SMOX: variants seen among roughly 807,000 people sequenced by gnomAD.
The protein encoded by SMOX is spermine oxidase.
In SMOX, 22 loss-of-function variants were observed where a neutral mutation model predicts 51.0. The ratio of observed to expected loss-of-function variants is 0.43; its 90% CI spans 0.31 to 0.62. The LOEUF is 0.62. SMOX is among the 20% of genes least tolerant of loss of function. The probability of loss-of-function intolerance (pLI) is 0.10; values close to 1 mark genes in which losing one functional copy is unlikely to be tolerated. For missense variants in SMOX, 566 were observed against 777.7 expected (o/e 0.73, Z 3.24); for synonymous variants, 282 against 307.8 (o/e 0.92, Z 0.88).
At chr20:4,174,919 TCC>T in intron 1 of SMOX, 109 bp from the exon 2 acceptor site, 1 of 1,088,538 alleles carries the variant, frequency 9.2e-7, no homozygotes. Flanking sequence ...GGACTCCAGG[TCC>T]CCCCACCCAC....
At chr20:4,155,150 C>G (rs968276559) in intron 1 of SMOX, among the ~76,000 whole-genome samples, 1 of 152,138 alleles carries the variant, frequency 6.6e-6, no homozygotes, top group Non-Finnish European at 1.5e-5. Flanking sequence ...CTGGGGTGAG[C>G]ACCCTTCCTC....
chr20:4,186,840 A>C (rs1477671338), intron 6 of SMOX: 5 of 780,178 alleles, frequency 6.4e-6, no homozygotes, highest in Non-Finnish European at 9.6e-6. Flanking sequence ...AAGGTTTGTC[A>C]AATTACCACC....
chr20:4,173,927 C>T (rs567022438), intron 1 of SMOX, among the ~76,000 whole-genome samples: 10 of 152,288 alleles, frequency 6.6e-5, no homozygotes, highest in Non-Finnish European at 1.3e-4. Context: ...CCCCCTTGGC[C>T]TCCCAGCCAT....
In SMOX at chr20:4,187,094, G is replaced by A. The variant is rs1197213671; in HGVS notation, c.1531-176G>A. On this transcript the variant is annotated intron_variant, in intron 6 of 6. Coordinates refer to ENST00000305958, the MANE Select transcript of SMOX (RefSeq NM_175839.3). This position sits in a 1 kb window ranked among gnomAD's most constrained non-coding sequence, Gnocchi z 4.8. ...CAGAAAGAGCCAAGGGAAGAAGCAG[G>A]GGAAAGTGGCCAGATAGGATGGGCA... 6.6e-6 allele frequency among the ~76,000 whole-genome samples: 1 copy of A among 152,190 alleles called. No homozygotes were observed. The highest frequency in any genetic ancestry group is 1.5e-5 in the Non-Finnish European group (1 of 68,036).
At chr20:4,155,312 T>A (rs897522057) in intron 1 of SMOX, among the ~76,000 whole-genome samples, 2 of 152,148 alleles carry the variant, frequency 1.3e-5, no homozygotes, top group Admixed American at 6.5e-5. Context: ...CAAGTCCTTG[T>A]TGCTGCCGCT....
At chr20:4,178,473 G>A (rs780292246) in intron 3 of SMOX, among the ~76,000 whole-genome samples, 2 of 152,080 alleles carry the variant, frequency 1.3e-5, no homozygotes, top group Non-Finnish European at 2.9e-5. Flanking sequence ...AAGTGGCAAT[G>A]GCACACATCC....
chr20:4,168,883 CTATTT>C (rs11467242), intron 1 of SMOX, among the ~76,000 whole-genome samples: 24,656 of 128,306 alleles, frequency 0.19, 2,844 homozygotes, highest in Middle Eastern at 0.26. Flanking sequence ...AATTAATGCT[CTATTT>C]TATTTTATTT....
intron 3 of SMOX, among the ~76,000 whole-genome samples, chr20:4,178,705 C>T (rs1410719430): frequency 8.3e-5 from 12 of 144,428 alleles, no homozygotes; most frequent in East Asian, 2.0e-4. Context: ...TTTTTTGAGA[C>T]GGAGTTTCGC....
intron 1 of SMOX, among the ~76,000 whole-genome samples, chr20:4,169,702 G>A (rs939035652): frequency 3.9e-5 from 6 of 152,144 alleles, no homozygotes; most frequent in Non-Finnish European, 5.9e-5. Flanking sequence ...GAACCAGTAC[G>A]AGGGACTCAC....
intron 1 of SMOX, among the ~76,000 whole-genome samples, chr20:4,160,849 CTT>C (rs1245257069): frequency 3.9e-5 from 6 of 152,164 alleles, no homozygotes; most frequent in East Asian, 1.9e-4. Context: ...TGTCGTGTCT[CTT>C]TGTGGGCAGA....
At chr20:4,161,115 G>A (rs895766798) in intron 1 of SMOX, among the ~76,000 whole-genome samples, 2 of 152,234 alleles carry the variant, frequency 1.3e-5, no homozygotes, top group Non-Finnish European at 2.9e-5. Flanking sequence ...GTGAGGCTGC[G>A]GCTCCTGGCA....
chr20:4,180,296 AGTGAGATG>A (rs1317909341), intron 3 of SMOX, among the ~76,000 whole-genome samples: 1 of 152,170 alleles, frequency 6.6e-6, no homozygotes, highest in East Asian at 1.9e-4. Context: ...CTTCCCCTTG[AGTGAGATG>A]GTGGTGGTGG....
In SMOX at chr20:4,183,713, G is replaced by A. The variant is rs970725919; in HGVS notation, c.1530+59G>A. 1.1e-5 allele frequency: 17 copies of A among 1,511,974 alleles called. No homozygotes were observed. Among genetic ancestry groups the A allele is most frequent in the Middle Eastern group, 2.1e-4 (1 of 4,732 alleles). The allele number at this position is 1,511,974 out of a possible 1,614,324, so 93.7% of individuals were successfully genotyped here. On this transcript the variant is annotated intron_variant, in intron 6 of 6. Coordinates refer to ENST00000305958, the MANE Select transcript of SMOX (RefSeq NM_175839.3). This position sits in a 1 kb window ranked among gnomAD's most constrained non-coding sequence, Gnocchi z 4.3. ...GTGGGTGTATTTTGTATGTGTGTCC[G>A]GTCCAGGGTGAGGAGGGCTAGGGTA... is the stretch of plus-strand genomic sequence containing the variant.
intron 2 of SMOX, chr20:4,176,114 G>C (rs1157393107): frequency 6.6e-6 from 1 of 151,218 alleles, no homozygotes; most frequent in Non-Finnish European, 1.5e-5. Flanking sequence ...TCTGCTTCTG[G>C]GATTCAAGAG....
intron 1 of SMOX, among the ~76,000 whole-genome samples, chr20:4,168,168 G>A (rs543127110): frequency 1.1e-3 from 163 of 152,202 alleles, no homozygotes; most frequent in Non-Finnish European, 1.9e-3. Context: ...TGGGGCTGCT[G>A]CCCTCAGGGA....
chr20:4,174,623 C>T (rs1978683146), intron 1 of SMOX, among the ~76,000 whole-genome samples: 1 of 152,140 alleles, frequency 6.6e-6, no homozygotes, highest in African/African-American at 2.4e-5. Flanking sequence ...TTGGTCATCT[C>T]CTCACTGGCT....
chr20:4,183,551 C>T lies in SMOX; in HGVS notation c.1427C>T (p.Pro476Leu), dbSNP rs6037782. The change falls in exon 6 of 7, where the codon CCT (proline) becomes CTT (leucine). Residue 476 changes from proline to leucine, a missense_variant. This residue lies in a region of SMOX where 347 missense variants were observed against 481.8 expected (regional missense o/e 0.72). Coordinates refer to ENST00000305958, the MANE Select transcript of SMOX (RefSeq NM_175839.3). The surrounding 1 kb of genome is among the most constrained non-coding windows in gnomAD (Gnocchi z 4.3). ...TTGCGCTCGGCCTGGGGCAGCAACC[C>T]TTACTTCCGCGGCTCCTATTCATAC... ...RILRSAWGSN[P>L]YFRGSYSYTQ... 1 of 1,614,112 alleles carries T rather than the reference C, an allele frequency of 6.2e-7. No homozygotes were observed. Among genetic ancestry groups the T allele is most frequent in the Non-Finnish European group, 8.5e-7 (1 of 1,179,978 alleles).
At chr20:4,161,739 AT>A (rs1986331769) in intron 1 of SMOX, among the ~76,000 whole-genome samples, 1 of 152,134 alleles carries the variant, frequency 6.6e-6, no homozygotes, top group Admixed American at 6.5e-5. Flanking sequence ...GACCTGACAG[AT>A]CCTTAAGGGG....
intron 1 of SMOX, among the ~76,000 whole-genome samples, chr20:4,161,290 G>C (rs1488989880): frequency 6.6e-6 from 1 of 152,196 alleles, no homozygotes; most frequent in African/African-American, 2.4e-5. Flanking sequence ...CCTCATGCAG[G>C]GGGCTGTGTT....
Sources: gnomAD v4.1 joint callset for allele counts (sites outside exome capture counted in the v4.1 genomes callset) on GRCh38, gnomAD v4.1.1 for gene constraint, gnomAD v4.1.1 regional missense constraint, Gnocchi (gnomAD v3.1) non-coding constraint, MANE v1.5 for transcripts, NCBI Gene and HGNC (gene_info 2026-07-23, HGNC 2026-07-21) for gene names.